Variants in ABR observed in about 807,000 individuals in gnomAD.
ABR encodes active breakpoint cluster region-related protein.
A neutral mutation model predicts 107.2 loss-of-function variants in ABR; 35 were observed. The ratio of observed to expected loss-of-function variants is 0.33; its 90% confidence interval spans 0.25 to 0.43. The LOEUF (loss-of-function observed/expected upper bound fraction) is 0.43. ABR is among the 20% of genes least tolerant of loss of function. The pLI, the probability that ABR is intolerant of heterozygous loss-of-function variation, is 1.00. For missense variants in ABR, 815 were observed against 1,115.2 expected, an observed-to-expected ratio of 0.73 and a Z score of 3.83; for synonymous variants, 498 against 462.0, an observed-to-expected ratio of 1.08 and a Z score of -1.00.
At chr17:1,228,560 G>A (rs532847487) in intron 1 of ABR, among the ~76,000 whole-genome samples, 1 of 152,294 alleles carries the variant, frequency 6.6e-6, no homozygotes, top group East Asian at 1.9e-4. Context: ...CCCTGCCGCC[G>A]CCGCCAGTTC....
At chr17:1,058,703 T>A in intron 11 of ABR, 42 bp downstream of exon 11, 1 of 1,608,510 alleles carries the variant, frequency 6.2e-7, no homozygotes, top group Non-Finnish European at 8.5e-7. Context: ...TGCTCTGGAC[T>A]AAGGAAGGGG....
rs2035229759 is a variant in ABR, at chr17:1,071,421, G to T, written c.894+1193C>A. Among the ~76,000 whole-genome samples the T allele has an allele frequency of 6.6e-6, 1 of 152,238 alleles. No homozygotes were observed. The highest frequency in any genetic ancestry group is 6.5e-5 in the Admixed American group (1 of 15,288). Reference sequence around the variant, plus strand: ...CCTCACTCGTAACGGCCGCCTAATGGCCTCCCCTGGACAGGAAGCCTTTCA... The same window carrying T: ...CCTCACTCGTAACGGCCGCCTAATGTCCTCCCCTGGACAGGAAGCCTTTCA... On this transcript the variant is annotated intron_variant, in intron 8 of 22. Coordinates refer to ENST00000302538, the MANE Select transcript of ABR (RefSeq NM_021962.5). This position sits in a 1 kb window ranked among gnomAD's most constrained non-coding sequence, Gnocchi z 5.1.
chr17:1,073,071 T>C (rs1597678999), intron 7 of ABR, among the ~76,000 whole-genome samples: 1 of 150,488 alleles, frequency 6.6e-6, no homozygotes, highest in Middle Eastern at 3.5e-3. Context: ...TCCCAGCTAC[T>C]CGGGAGGCTG....
At chr17:1,149,339 G>A (rs1357341916) in intron 1 of ABR, among the ~76,000 whole-genome samples, 1 of 152,050 alleles carries the variant, frequency 6.6e-6, no homozygotes, top group Admixed American at 6.6e-5. Context: ...CAGGCCTGGA[G>A]CCCACCCAGC....
chr17:1,079,425 T>C, intron 5 of ABR, 35 bp from the exon 6 acceptor site: 1 of 1,587,798 alleles, frequency 6.3e-7, no homozygotes. Context: ...TGGCCTGTTC[T>C]GTCCCTCACC....
chr17:1,167,776 C>A (rs1409383533), intron 1 of ABR, among the ~76,000 whole-genome samples: 2 of 152,250 alleles, frequency 1.3e-5, no homozygotes, highest in African/African-American at 4.8e-5. Flanking sequence ...TTGTTATTCT[C>A]CCTCGTGCCT....
intron 1 of ABR, among the ~76,000 whole-genome samples, chr17:1,135,430 G>A (rs527318656): frequency 1.4e-5 from 2 of 144,906 alleles, no homozygotes; most frequent in South Asian, 2.1e-4. Flanking sequence ...AGGCTGGAGC[G>A]ACACCCTCCA....
chr17:1,111,994 T>A (rs1334310098), intron 2 of ABR, among the ~76,000 whole-genome samples: 1 of 152,228 alleles, frequency 6.6e-6, no homozygotes, highest in Non-Finnish European at 1.5e-5. Context: ...GCCGCCATCT[T>A]ACGAGTCTTC....
rs189670228 is a variant in ABR at position 1,055,718 on chromosome 17, G to A, written c.1561+317C>T. ...TAATTTTAGTATTTTTAGTAGAGAC[G>A]GGGTTTCACCATGTTGGCCCGGATG... is the stretch of plus-strand genomic sequence containing the variant. On this transcript the variant is annotated intron_variant, in intron 14 of 22. Coordinates refer to ENST00000302538, the MANE Select transcript of ABR (RefSeq NM_021962.5). 237 of 267,026 alleles carry A rather than the reference G, an allele frequency of 8.9e-4. 1 individual carries two copies. The highest frequency in any genetic ancestry group is 4.6e-3 in the African/African-American group (212 of 46,130). The allele number at this position is 267,026 out of a possible 1,614,324, so 16.5% of individuals were successfully genotyped here.
chr17:1,109,415 G>A (rs936011482), intron 2 of ABR, among the ~76,000 whole-genome samples: 2 of 151,930 alleles, frequency 1.3e-5, no homozygotes, highest in Admixed American at 6.6e-5. Context: ...CCGGGGCTCG[G>A]GCTCGCGCTC....
intron 1 of ABR, among the ~76,000 whole-genome samples, chr17:1,204,217 G>C (rs1185247450): frequency 6.6e-6 from 1 of 152,232 alleles, no homozygotes; most frequent in Admixed American, 6.5e-5. Flanking sequence ...GGACGAGGCG[G>C]GCGGATCACC....
chr17:1,088,554 T>G (rs2036788176), intron 4 of ABR, among the ~76,000 whole-genome samples: 1 of 151,872 alleles, frequency 6.6e-6, no homozygotes, highest in Non-Finnish European at 1.5e-5. Flanking sequence ...TTCCAGGCCC[T>G]GTTCCAAGCA....
At chr17:1,222,903 T>G (rs1400555506) in intron 1 of ABR, among the ~76,000 whole-genome samples, 1 of 151,814 alleles carries the variant, frequency 6.6e-6, no homozygotes, top group Non-Finnish European at 1.5e-5. Context: ...AGTAAGACCC[T>G]GTCTTAAAAT....
At chr17:1,013,340 G>A in intron 16 of ABR, 176 bp from the exon 17 acceptor site, 1 of 669,758 alleles carries the variant, frequency 1.5e-6, no homozygotes, top group East Asian at 2.8e-5. Flanking sequence ...TAGCCCCCAG[G>A]CCCCTGTGGC....
intron 16 of ABR, among the ~76,000 whole-genome samples, chr17:1,038,469 TG>T (rs1456428009): frequency 6.6e-6 from 1 of 152,156 alleles, no homozygotes; most frequent in Non-Finnish European, 1.5e-5. Context: ...ACCTGTCTAG[TG>T]GGTCAGGCGG....
At position 1,200,788 on chromosome 17, in the gene ABR, G is replaced by C. The variant is rs528288115; in HGVS notation, c.838+28005C>G. Among the ~76,000 whole-genome samples, 25 of 152,178 alleles carry C rather than the reference G, an allele frequency of 1.6e-4. No individual in the cohort carries two copies. The highest frequency in any genetic ancestry group is 3.9e-4 in the Admixed American group (6 of 15,284). On this transcript the variant is annotated intron_variant, in intron 1 of 22. Coordinates refer to the ABR transcript ENST00000574139. This position sits in a 1 kb window ranked among gnomAD's most constrained non-coding sequence, Gnocchi z 4.1. ...TCGGGGAGACAGGAACATGACCTGG[G>C]TTATCAGCACCGTCCAGGGACACCA...
At chr17:1,224,522 T>C (rs1161115902) in intron 1 of ABR, among the ~76,000 whole-genome samples, 1 of 152,110 alleles carries the variant, frequency 6.6e-6, no homozygotes, top group Admixed American at 6.6e-5. Flanking sequence ...TAAGGACCTC[T>C]GAATGCAGAT....
intron 16 of ABR, among the ~76,000 whole-genome samples, chr17:1,020,046 C>T (rs887856676): frequency 6.6e-6 from 1 of 152,198 alleles, no homozygotes; most frequent in Non-Finnish European, 1.5e-5. Context: ...GGGTCGACGA[C>T]TGGGCCGTAC....
At position 1,148,641 on chromosome 17, in the gene ABR, C is replaced by T. The variant is rs2040657495; in HGVS notation, c.62-23274G>A. Among the ~76,000 whole-genome samples the T allele has an allele frequency of 1.3e-5, 2 of 152,222 alleles. No homozygotes were observed. Among genetic ancestry groups the T allele is most frequent in the East Asian group, 1.9e-4 (1 of 5,192 alleles). On this transcript the variant is annotated intron_variant, in intron 1 of 22. Transcript: ENST00000302538. The surrounding 1 kb of genome is among the most constrained non-coding windows in gnomAD (Gnocchi z 4.9). ...GGAGCGTGAGCCCTGTCGTGATCTG[C>T]GCGTGCGAGGGATCGCAGTTCCATC...
Sources: gnomAD v4.1 joint callset for allele counts (sites outside exome capture counted in the v4.1 genomes callset) on GRCh38, gnomAD v4.1.1 for gene constraint, Gnocchi (gnomAD v3.1) non-coding constraint, MANE v1.5 for transcripts, NCBI Gene and HGNC (gene_info 2026-07-23, HGNC 2026-07-21) for gene names.